Variants in PDE7B observed in about 807,000 individuals in gnomAD.
PDE7B encodes 3',5'-cyclic-AMP phosphodiesterase 7B.
In PDE7B, 29 loss-of-function variants were observed where a neutral mutation model predicts 56.2. The observed-to-expected ratio is 0.52, with a 90% CI of 0.38 to 0.70. PDE7B has a LOEUF of 0.70. PDE7B is among the 30% of genes least tolerant of loss of function. PDE7B has a pLI of 0.00. For synonymous variants in PDE7B, 197 were observed against 196.9 expected (o/e 1.00, Z 0.00); for missense variants, 490 against 565.0 (o/e 0.87, Z 1.35).
At chr6:136,183,072 C>CAAAAAAAAA (rs869296450) in intron 11 of PDE7B, among the ~76,000 whole-genome samples, 2 of 50,536 alleles carry the variant, frequency 4.0e-5, no homozygotes, top group Admixed American at 1.9e-4. Flanking sequence ...ACTCCGTCTC[C>CAAAAAAAAA]AAAAAAAAAA....
intron 6 of PDE7B, among the ~76,000 whole-genome samples, chr6:136,151,791 T>TCGAGACC (rs1267508340): frequency 2.2e-4 from 33 of 150,144 alleles, no homozygotes; most frequent in South Asian, 6.4e-4. Flanking sequence ...AAAAAAAAAT[T>TCGAGACC]AGCCAGGCTT....
chr6:135,948,365 T>G (rs1774626659), intron 2 of PDE7B, among the ~76,000 whole-genome samples: 1 of 152,018 alleles, frequency 6.6e-6, no homozygotes, highest in South Asian at 2.1e-4. Context: ...CTTTGTAGAT[T>G]CTAACCTTGA....
intron 2 of PDE7B, among the ~76,000 whole-genome samples, chr6:135,973,326 A>T (rs1212293409): frequency 6.6e-6 from 1 of 152,082 alleles, no homozygotes. Context: ...TGAAGGCAGA[A>T]TAGTATTCCA....
At chr6:136,156,041 C>T in intron 8 of PDE7B, 2 of 477,558 alleles carry the variant, frequency 4.2e-6, no homozygotes, top group South Asian at 3.9e-5. Flanking sequence ...TTGTGCTGTT[C>T]TTTGTATCCA....
chr6:136,118,739 C>A (rs1306368628), intron 3 of PDE7B, among the ~76,000 whole-genome samples: 1 of 151,938 alleles, frequency 6.6e-6, no homozygotes, highest in Non-Finnish European at 1.5e-5. Flanking sequence ...CATATATATG[C>A]CAATTATTCC....
At chr6:136,129,103 T>C (rs1419160509) in intron 3 of PDE7B, among the ~76,000 whole-genome samples, 1 of 152,224 alleles carries the variant, frequency 6.6e-6, no homozygotes, top group African/African-American at 2.4e-5. Context: ...TACCAATCTG[T>C]ATTGGGCATA....
intron 1 of PDE7B, among the ~76,000 whole-genome samples, chr6:135,872,893 T>G (rs1775412760): frequency 6.6e-6 from 1 of 152,128 alleles, no homozygotes; most frequent in African/African-American, 2.4e-5. Flanking sequence ...TGTGAATGAG[T>G]GAATGTGCTT....
At chr6:136,081,953 T>C (rs1328210571) in intron 2 of PDE7B, among the ~76,000 whole-genome samples, 2 of 152,198 alleles carry the variant, frequency 1.3e-5, no homozygotes, top group African/African-American at 2.4e-5. Flanking sequence ...AACTACAGCT[T>C]CCTGAGCCCT....
intron 1 of PDE7B, among the ~76,000 whole-genome samples, chr6:135,909,880 C>G (rs527339300): frequency 6.6e-5 from 10 of 152,162 alleles, no homozygotes; most frequent in Admixed American, 1.3e-4. Context: ...CCTCGGCAAA[C>G]GCAGGTGTGA....
chr6:135,949,068 T>C (rs1408674318), intron 2 of PDE7B, among the ~76,000 whole-genome samples: 1 of 152,046 alleles, frequency 6.6e-6, no homozygotes, highest in Non-Finnish European at 1.5e-5. Flanking sequence ...AATAACAAGA[T>C]GAGGTTGGTG....
intron 3 of PDE7B, among the ~76,000 whole-genome samples, chr6:136,141,935 G>T (rs1778333793): frequency 8.6e-6 from 1 of 116,898 alleles, no homozygotes. Context: ...TTTTTGAAGG[G>T]TTTTTTGTAT....
rs1038228154 is a variant in PDE7B, at chr6:136,013,633, G to A, written c.82+66109G>A. ...AAGAGCAAACTCATACCTAAGATACGTGTAGGAATTAGCCTGGTGAAGGAG... is the reference window on the plus strand; with the variant it reads ...AAGAGCAAACTCATACCTAAGATACATGTAGGAATTAGCCTGGTGAAGGAG... On this transcript the variant is annotated intron_variant, in intron 2 of 12. Coordinates refer to ENST00000308191, the MANE Select transcript of PDE7B (RefSeq NM_018945.4). 5.9e-5 allele frequency among the ~76,000 whole-genome samples: 9 copies of A among 152,318 alleles called. No individual in the cohort carries two copies. The South Asian group carries it at 1.2e-3, about 21-fold the overall frequency.
chr6:136,061,040 G>T (rs757618791), intron 2 of PDE7B, among the ~76,000 whole-genome samples: 5 of 151,922 alleles, frequency 3.3e-5, no homozygotes, highest in African/African-American at 1.2e-4. Flanking sequence ...AAATGAATAA[G>T]GCAAATACTA....
intron 1 of PDE7B, among the ~76,000 whole-genome samples, chr6:135,854,421 A>C (rs777643135): frequency 6.6e-5 from 10 of 152,234 alleles, no homozygotes; most frequent in Non-Finnish European, 1.5e-4. Context: ...GAAACTCTCT[A>C]TCTACAGAAA....
Position 136,038,229 on chromosome 6 carries a change from A to ACAGCAG in PDE7B, c.83-70487_83-70482dup, listed in dbSNP as rs749880317. The ACAGCAG allele has an allele frequency of 2.2e-5, 29 of 1,294,142 alleles. 1 individual carries two copies. The highest frequency in any genetic ancestry group is 6.9e-5 in the Admixed American group (3 of 43,728). The allele number at this position is 1,294,142 out of a possible 1,614,324, so 80.2% of individuals were successfully genotyped here. On this transcript the variant is annotated intron_variant, in intron 2 of 12. Transcript: ENST00000308191. The stretch of plus-strand genomic sequence containing the variant: ...AGAAGCAGAAACAGCAGCAGCAGCA[A>ACAGCAG]CAGCAGCAGCAGCAGCAGCACCACC...
At chr6:135,889,613 G>T (rs542148770) in intron 1 of PDE7B, among the ~76,000 whole-genome samples, 23 of 148,436 alleles carry the variant, frequency 1.5e-4, no homozygotes, top group African/African-American at 5.7e-4. Context: ...GCTAATTTTT[G>T]TATTTTTAGT....
chr6:135,983,783 A>G (rs1775334332), intron 2 of PDE7B, among the ~76,000 whole-genome samples: 1 of 152,204 alleles, frequency 6.6e-6, no homozygotes, highest in African/African-American at 2.4e-5. Flanking sequence ...TCTTCTATAT[A>G]AACACCCAGA....
chr6:135,950,586 A>G (rs2128199935), intron 2 of PDE7B, among the ~76,000 whole-genome samples: 1 of 152,234 alleles, frequency 6.6e-6, no homozygotes, highest in South Asian at 2.1e-4. Context: ...AGACATCCTC[A>G]TCTTTAACTG....
At chr6:136,086,876 A>G (rs1424001303) in intron 2 of PDE7B, among the ~76,000 whole-genome samples, 1 of 152,236 alleles carries the variant, frequency 6.6e-6, no homozygotes, top group Non-Finnish European at 1.5e-5. Context: ...TCGGAAGAAT[A>G]TTGAGAAGCC....
Sources: gnomAD v4.1 joint callset for allele counts (sites outside exome capture counted in the v4.1 genomes callset) on GRCh38, gnomAD v4.1.1 for gene constraint, MANE v1.5 for transcripts, NCBI Gene and HGNC (gene_info 2026-07-23, HGNC 2026-07-21) for gene names.